The following FHIT variants were observed in gnomAD, a reference collection of about 807,000 sequenced individuals.
FHIT encodes the protein bis(5'-adenosyl)-triphosphatase.
FHIT carries 19 observed loss-of-function variants against 17.9 expected under a neutral mutation model. The ratio of observed to expected loss-of-function variants is 1.06; its 90% CI spans 0.74 to 1.56. FHIT has a LOEUF of 1.56. Among genes scored for constraint, FHIT ranks in the 40% most tolerant of loss-of-function variants. The pLI is 0.00. For synonymous variants in FHIT, 81 were observed against 69.7 expected, an observed-to-expected ratio of 1.16 and a Z score of -0.81; for missense variants, 248 against 189.2, an observed-to-expected ratio of 1.31 and a Z score of -1.82.
intron 2 of FHIT, chr3:61,165,496 T>A (rs1311363888): frequency 1.3e-5 from 2 of 152,242 alleles, no homozygotes; most frequent in Admixed American, 1.3e-4. Context: ...ACTTGTTTTT[T>A]GCCTGTTCAA....
chr3:60,745,956 T>C (rs1375324864), intron 4 of FHIT, among the ~76,000 whole-genome samples: 1 of 152,144 alleles, frequency 6.6e-6, no homozygotes, highest in Non-Finnish European at 1.5e-5. Context: ...AGGAAACCCA[T>C]TAAATAGGCA....
chr3:61,240,858 A>C (rs1268189342), intron 1 of FHIT, among the ~76,000 whole-genome samples: 2 of 152,180 alleles, frequency 1.3e-5, no homozygotes, highest in Non-Finnish European at 2.9e-5. Flanking sequence ...AAATTGGGAA[A>C]GGTTGGTGGC....
At chr3:60,607,991 C>T (rs782468674) in intron 4 of FHIT, among the ~76,000 whole-genome samples, 1 of 152,152 alleles carries the variant, frequency 6.6e-6, no homozygotes, top group Non-Finnish European at 1.5e-5. Flanking sequence ...CTCCCACTTG[C>T]CTTATATCTT....
At chr3:60,161,972 G>A (rs943674404) in intron 5 of FHIT, among the ~76,000 whole-genome samples, 1 of 152,170 alleles carries the variant, frequency 6.6e-6, no homozygotes. Flanking sequence ...CTAACAGCAA[G>A]AAGAAGGTAA....
At chr3:60,396,480 A>C (rs1167957092) in intron 5 of FHIT, among the ~76,000 whole-genome samples, 7 of 152,188 alleles carry the variant, frequency 4.6e-5, no homozygotes, top group African/African-American at 1.7e-4. Context: ...TGCCAAGGCC[A>C]TTTTTGATTG....
chr3:60,069,402 T>C (rs1702662916), intron 5 of FHIT, among the ~76,000 whole-genome samples: 1 of 152,178 alleles, frequency 6.6e-6, no homozygotes, highest in Admixed American at 6.5e-5. Flanking sequence ...TGGTTTAAAG[T>C]TAAAATTTCT....
intron 8 of FHIT, among the ~76,000 whole-genome samples, chr3:59,909,413 T>G (rs1704756977): frequency 6.6e-6 from 1 of 152,026 alleles, no homozygotes; most frequent in Non-Finnish European, 1.5e-5. Context: ...CACTGCAACC[T>G]CCTCCTCTGG....
intron 2 of FHIT, among the ~76,000 whole-genome samples, chr3:61,050,616 G>T (rs2033988628): frequency 6.6e-6 from 1 of 152,182 alleles, no homozygotes; most frequent in Non-Finnish European, 1.5e-5. Context: ...TCCAGCATAT[G>T]CTTTAATGCG....
intron 4 of FHIT, among the ~76,000 whole-genome samples, chr3:60,727,774 C>T (rs1158097089): frequency 1.3e-5 from 2 of 152,120 alleles, no homozygotes; most frequent in Non-Finnish European, 2.9e-5. Flanking sequence ...GAGGCCGAGG[C>T]GGGCGGATCA....
At chr3:60,326,917 C>G (rs869055494) in intron 5 of FHIT, among the ~76,000 whole-genome samples, 1 of 152,162 alleles carries the variant, frequency 6.6e-6, no homozygotes. Context: ...AAATAACACT[C>G]TTAGTTTACA....
chr3:59,775,310 T>A (rs954144854), intron 8 of FHIT, among the ~76,000 whole-genome samples: 2 of 152,186 alleles, frequency 1.3e-5, no homozygotes, highest in Admixed American at 6.5e-5. Flanking sequence ...CACAGAAATC[T>A]GCTTAACATT....
chr3:60,242,562 T>A (rs1308228154), intron 5 of FHIT, among the ~76,000 whole-genome samples: 1 of 152,152 alleles, frequency 6.6e-6, no homozygotes, highest in Non-Finnish European at 1.5e-5. Context: ...GAACAATGCC[T>A]TGCAGAGAGC....
intron 1 of FHIT, among the ~76,000 whole-genome samples, chr3:61,241,341 A>G (rs1243655298): frequency 6.6e-6 from 1 of 152,194 alleles, no homozygotes; most frequent in African/African-American, 2.4e-5. Flanking sequence ...TTCTGGGCAC[A>G]GCTTAAACAT....
At chr3:60,376,012 G>A (rs927623398) in intron 5 of FHIT, among the ~76,000 whole-genome samples, 197 of 152,176 alleles carry the variant, frequency 1.3e-3, no homozygotes, top group African/African-American at 4.6e-3. Flanking sequence ...ATAGCTACAC[G>A]TGGTTAGTGG....
At chr3:60,049,594 A>G (rs1042060545) in intron 5 of FHIT, among the ~76,000 whole-genome samples, 1 of 152,212 alleles carries the variant, frequency 6.6e-6, no homozygotes, top group Non-Finnish European at 1.5e-5. Flanking sequence ...AATGTAAAAC[A>G]TATCAGTAAG....
intron 4 of FHIT, among the ~76,000 whole-genome samples, chr3:60,540,215 C>G (rs934960493): frequency 2.5e-4 from 38 of 152,106 alleles, no homozygotes; most frequent in Admixed American, 2.4e-3. Flanking sequence ...CCTGGGAGAG[C>G]ATGGAAGTTC....
intron 5 of FHIT, among the ~76,000 whole-genome samples, chr3:60,242,951 C>T (rs1436831806): frequency 6.6e-6 from 1 of 151,928 alleles, no homozygotes; most frequent in South Asian, 2.1e-4. Flanking sequence ...AGTCTAATCT[C>T]CAAGCCACTA....
At chr3:61,055,912 T>G (rs1229156078) in intron 2 of FHIT, among the ~76,000 whole-genome samples, 1 of 152,222 alleles carries the variant, frequency 6.6e-6, no homozygotes, top group East Asian at 1.9e-4. Flanking sequence ...AGGCATGCAA[T>G]GTGTAATAAT....
intron 8 of FHIT, among the ~76,000 whole-genome samples, chr3:59,782,423 A>G (rs1702633267): frequency 6.6e-6 from 1 of 152,232 alleles, no homozygotes; most frequent in South Asian, 2.1e-4. Context: ...CACAGCCTCT[A>G]CATCCATTAA....
Sources: gnomAD v4.1 joint callset for allele counts (sites outside exome capture counted in the v4.1 genomes callset) on GRCh38, gnomAD v4.1.1 for gene constraint, MANE v1.5 for transcripts, NCBI Gene and HGNC (gene_info 2026-07-23, HGNC 2026-07-21) for gene names.